The following NELL2 variants were observed in gnomAD, a reference collection of about 807,000 sequenced individuals.
The protein encoded by NELL2 is neural EGFL like 2, also known as protein kinase C-binding protein NELL2.
NELL2 carries 41 observed loss-of-function variants against 109.6 expected under a neutral mutation model. That is an observed-to-expected ratio of 0.37 (90% CI 0.29 to 0.49). The LOEUF is 0.49. Ranked by LOEUF, NELL2 falls within the 20% of genes least tolerant of loss-of-function variation. The pLI, the probability that NELL2 is intolerant of heterozygous loss-of-function variation, is 0.98. For synonymous variants in NELL2, 355 were observed against 344.7 expected (o/e 1.03, Z -0.33); for missense variants, 900 against 1,008.3 (o/e 0.89, Z 1.45).
chr12:44,560,735 C>T (rs780865679), intron 15 of NELL2, among the ~76,000 whole-genome samples: 3 of 152,128 alleles, frequency 2.0e-5, no homozygotes, highest in Non-Finnish European at 2.9e-5. Flanking sequence ...AATTTACAGC[C>T]GAATTCTACC....
Position 44,744,009 on chromosome 12 carries a change from AC to A in NELL2, c.995-29269del, listed in dbSNP as rs200098939. ...CAACAGAATATACATTTTTTTCAGC[AC>A]CACACCACACCTACTCCAAAATTGA... On this transcript the variant is annotated intron_variant, in intron 9 of 19. Coordinates refer to ENST00000429094, the MANE Select transcript of NELL2 (RefSeq NM_001145108.2). Among the ~76,000 whole-genome samples the A allele has an allele frequency of 4.2e-3, 636 of 152,222 alleles. 7 individuals are homozygous for A. Among genetic ancestry groups the A allele is most frequent in the African/African-American group, 0.014 (602 of 41,518 alleles).
At chr12:44,789,495 C>T (rs1288426259) in intron 3 of NELL2, among the ~76,000 whole-genome samples, 1 of 152,118 alleles carries the variant, frequency 6.6e-6, no homozygotes, top group African/African-American at 2.4e-5. Flanking sequence ...CTAGACCTTC[C>T]CTCTGACAGA....
chr12:44,703,690 T>G, intron 12 of NELL2, 36 bp downstream of exon 12: 2 of 1,609,514 alleles, frequency 1.2e-6, no homozygotes, highest in Non-Finnish European at 1.7e-6. Flanking sequence ...CCTAGAAAAT[T>G]TATACAGCTG....
rs1391068626 is a variant in NELL2, at chr12:44,876,055, A to G, written c.-186T>C. 7 of 1,462,822 alleles carry G rather than the reference A, an allele frequency of 4.8e-6. No homozygotes were observed. The highest frequency in any genetic ancestry group is 1.4e-5 in the African/African-American group (1 of 70,528). 90.6% of individuals were successfully genotyped at this position (1,462,822 alleles called of 1,614,324 possible). On this transcript the variant is annotated 5_prime_UTR_variant, in exon 1 of 20. Transcript: ENST00000429094. ...AAGGGAGGCCTCCCCAGGCGCGTGA[A>G]GAACTTAGACCCTCCAATGCGCACA... is the stretch of plus-strand genomic sequence containing the variant.
chr12:44,519,429 A>G (rs1295838668), intron 19 of NELL2, among the ~76,000 whole-genome samples: 1 of 152,218 alleles, frequency 6.6e-6, no homozygotes, highest in Non-Finnish European at 1.5e-5. Flanking sequence ...TTTTCCAATG[A>G]GAATAAGGAG....
At chr12:44,820,835 G>A (rs1475570872) in intron 2 of NELL2, among the ~76,000 whole-genome samples, 1 of 152,096 alleles carries the variant, frequency 6.6e-6, no homozygotes, top group African/African-American at 2.4e-5. Flanking sequence ...ATGTGGACAT[G>A]TCCAGTAGAA....
At chr12:44,745,511 G>A (rs146638037) in intron 9 of NELL2, among the ~76,000 whole-genome samples, 9 of 152,260 alleles carry the variant, frequency 5.9e-5, no homozygotes, top group Non-Finnish European at 1.2e-4. Flanking sequence ...AAGTCAAATT[G>A]TCCCTGTTTG....
At chr12:44,777,016 A>G in intron 7 of NELL2, 26 bp downstream of exon 7, 2 of 1,602,624 alleles carry the variant, frequency 1.2e-6, no homozygotes, top group South Asian at 2.2e-5. Flanking sequence ...TTAAGCTTCC[A>G]CACTGTATTC....
chr12:44,662,446 C>T (rs1374958139), intron 13 of NELL2, among the ~76,000 whole-genome samples: 1 of 152,128 alleles, frequency 6.6e-6, no homozygotes, highest in Non-Finnish European at 1.5e-5. Flanking sequence ...GCCCCCTTTG[C>T]TTCTCACTAG....
At chr12:44,685,067 G>T (rs1012520807) in intron 12 of NELL2, among the ~76,000 whole-genome samples, 4 of 152,040 alleles carry the variant, frequency 2.6e-5, no homozygotes, top group African/African-American at 9.7e-5. Flanking sequence ...CTCTTTGTAG[G>T]TCACTCAGGA....
At chr12:44,788,956 C>T (rs1034413765) in intron 3 of NELL2, among the ~76,000 whole-genome samples, 2 of 152,076 alleles carry the variant, frequency 1.3e-5, no homozygotes, top group Non-Finnish European at 2.9e-5. Context: ...AGGTTCACAA[C>T]TCCATTGACG....
intron 13 of NELL2, among the ~76,000 whole-genome samples, chr12:44,654,668 A>T (rs1947429087): frequency 6.6e-6 from 1 of 152,180 alleles, no homozygotes; most frequent in Admixed American, 6.5e-5. Flanking sequence ...CAACAGAAGC[A>T]CACAGGAGAG....
intron 15 of NELL2, among the ~76,000 whole-genome samples, chr12:44,550,330 G>A (rs532634258): frequency 1.3e-5 from 2 of 151,334 alleles, no homozygotes; most frequent in South Asian, 4.2e-4. Context: ...GGATCTTGAA[G>A]AGATATCTGA....
At chr12:44,663,720 T>C (rs996157503) in intron 13 of NELL2, among the ~76,000 whole-genome samples, 1 of 152,228 alleles carries the variant, frequency 6.6e-6, no homozygotes, top group Non-Finnish European at 1.5e-5. Context: ...GAAGACTCTC[T>C]GTAAATGTAT....
At chr12:44,904,035 T>C (rs2703050) in intron 1 of NELL2, among the ~76,000 whole-genome samples, 5,287 of 151,950 alleles carry the variant, frequency 0.035, 199 homozygotes, top group African/African-American at 0.085. Flanking sequence ...TAAAATATAA[T>C]AAAAATAAAT....
chr12:44,645,798 T>C (rs1039795435), intron 13 of NELL2, among the ~76,000 whole-genome samples: 3 of 152,166 alleles, frequency 2.0e-5, no homozygotes, highest in Admixed American at 2.0e-4. Context: ...ACTGGTTGAG[T>C]TTCCCAGTTA....
chr12:44,524,986 G>A (rs905684617), intron 16 of NELL2, among the ~76,000 whole-genome samples: 5 of 152,066 alleles, frequency 3.3e-5, no homozygotes, highest in Non-Finnish European at 5.9e-5. Context: ...CATCTGATGA[G>A]TTGATATTTG....
intron 15 of NELL2, among the ~76,000 whole-genome samples, chr12:44,595,432 G>C (rs1442339241): frequency 6.6e-6 from 1 of 151,720 alleles, no homozygotes; most frequent in Non-Finnish European, 1.5e-5. Flanking sequence ...CTTGTTTTTT[G>C]TTTGTTTGTT....
At chr12:44,740,569 G>A (rs1201672811) in intron 9 of NELL2, among the ~76,000 whole-genome samples, 2 of 151,942 alleles carry the variant, frequency 1.3e-5, no homozygotes, top group South Asian at 2.1e-4. Context: ...TTGGGTCCAG[G>A]AGCTTGTGAA....
Sources: gnomAD v4.1 joint callset for allele counts (sites outside exome capture counted in the v4.1 genomes callset) on GRCh38, gnomAD v4.1.1 for gene constraint, MANE v1.5 for transcripts, NCBI Gene and HGNC (gene_info 2026-07-23, HGNC 2026-07-21) for gene names.